UNC79: variants seen among roughly 807,000 people sequenced by gnomAD.
UNC79 encodes the protein unc-79 subunit of NALCN channel complex.
Under a neutral mutation model 283.1 loss-of-function variants are expected in UNC79, and 37 were observed. That is an observed-to-expected ratio of 0.13 (90% CI 0.10 to 0.17). The LOEUF is 0.17. Ranked by LOEUF, UNC79 falls within the 10% of genes least tolerant of loss-of-function variation. The probability of loss-of-function intolerance (pLI) is 1.00; values close to 1 mark genes in which losing one functional copy is unlikely to be tolerated. For synonymous variants in UNC79, 1,107 were observed against 1,200.2 expected (o/e 0.92, Z 1.61); for missense variants, 2,272 against 3,211.1 (o/e 0.71, Z 7.07).
At position 93,572,832 on chromosome 14, in the gene UNC79, T is replaced by C. The variant is rs1284183370; in HGVS notation, c.2070+16T>C. 1 of 1,611,148 alleles carries C rather than the reference T, an allele frequency of 6.2e-7. No homozygotes were observed. The highest frequency in any genetic ancestry group is 8.5e-7 in the Non-Finnish European group (1 of 1,178,982). On this transcript the variant is annotated intron_variant, in intron 16 of 48. Coordinates refer to ENST00000555664, the Ensembl canonical transcript of UNC79. ...GTGGCTTCATGTAAGTGAATAATAC[T>C]TTCGATCATTTTAGGAAATAGTTCT...
chr14:93,506,904 C>A (rs1567021316), intron 7 of UNC79, among the ~76,000 whole-genome samples: 1 of 152,114 alleles, frequency 6.6e-6, no homozygotes, highest in Non-Finnish European at 1.5e-5. Context: ...ATGCCTTTTC[C>A]AAACACCATC....
At chr14:93,685,398 G>C (rs2074159376) in intron 42 of UNC79, among the ~76,000 whole-genome samples, 1 of 152,080 alleles carries the variant, frequency 6.6e-6, no homozygotes, top group Non-Finnish European at 1.5e-5. Flanking sequence ...CCAAAAGCAG[G>C]AACACAATAA....
At chr14:93,395,629 G>A (rs2054979122) in intron 1 of UNC79, among the ~76,000 whole-genome samples, 1 of 152,170 alleles carries the variant, frequency 6.6e-6, no homozygotes, top group South Asian at 2.1e-4. Flanking sequence ...GGGACATGGA[G>A]CCAAACCATA....
intron 39 of UNC79, among the ~76,000 whole-genome samples, chr14:93,661,481 G>A (rs994608613): frequency 1.3e-5 from 2 of 152,132 alleles, no homozygotes; most frequent in African/African-American, 4.8e-5. Flanking sequence ...GAGAAGTATT[G>A]GAACTCATGG....
chr14:93,338,734 C>CT (rs2053637273), intron 1 of UNC79, among the ~76,000 whole-genome samples: 1 of 152,118 alleles, frequency 6.6e-6, no homozygotes. Flanking sequence ...TGGCAAAACT[C>CT]TGTCTCTATG....
chr14:93,454,882 A>G (rs2056753021), intron 1 of UNC79, among the ~76,000 whole-genome samples: 1 of 152,218 alleles, frequency 6.6e-6, no homozygotes, highest in South Asian at 2.1e-4. Context: ...AAGAAATGTA[A>G]TTGAATAATG....
chr14:93,373,561 C>G (rs1314443494), intron 1 of UNC79, among the ~76,000 whole-genome samples: 1 of 152,102 alleles, frequency 6.6e-6, no homozygotes, highest in African/African-American at 2.4e-5. Context: ...ACAAAAAGAA[C>G]TAGATAATCT....
intron 1 of UNC79, among the ~76,000 whole-genome samples, chr14:93,362,156 C>T (rs1448195854): frequency 6.6e-6 from 1 of 152,126 alleles, no homozygotes; most frequent in Non-Finnish European, 1.5e-5. Flanking sequence ...TGTCTTTTTT[C>T]ATCGTGTCTC....
Position 93,582,358 on chromosome 14 carries a change from G to C in UNC79, c.2803+14G>C. The stretch of plus-strand genomic sequence containing the variant: ...TGGAACATGCTGGTAGGTGTGCACT[G>C]ACTGCCGGGGAATGCGCCACGTGCA... On this transcript the variant is annotated intron_variant, in intron 20 of 48. Transcript: ENST00000555664. The C allele has an allele frequency of 1.9e-6, 3 of 1,610,932 alleles. No homozygotes were observed. Among genetic ancestry groups the C allele is most frequent in the African/African-American group, 1.3e-5 (1 of 74,924 alleles).
At chr14:93,628,980 C>T (rs1042589097) in intron 30 of UNC79, among the ~76,000 whole-genome samples, 6 of 152,134 alleles carry the variant, frequency 3.9e-5, no homozygotes, top group Admixed American at 2.6e-4. Context: ...GGGTGTATCA[C>T]CTGAGGTCAG....
intron 1 of UNC79, among the ~76,000 whole-genome samples, chr14:93,370,554 C>T (rs959706811): frequency 2.4e-4 from 37 of 152,298 alleles, no homozygotes; most frequent in African/African-American, 8.2e-4. Context: ...GGGCAGATCA[C>T]GAGGTCAGGA....
At chr14:93,570,835 A>G (rs948841708) in intron 14 of UNC79, among the ~76,000 whole-genome samples, 1 of 152,192 alleles carries the variant, frequency 6.6e-6, no homozygotes, top group Non-Finnish European at 1.5e-5. Flanking sequence ...GTTCCAACGT[A>G]CTATTCAAAA....
rs950007293 is a variant in UNC79, at chr14:93,414,087, C to A, written c.-350-53584C>A. ...TTGCCATTGCTTTTGGTGTTTTAGA[C>A]ACGAAGTCCTTGCCCATGCCTATGT... On this transcript the variant is annotated intron_variant, in intron 1 of 49. Coordinates refer to the UNC79 transcript ENST00000256339. Among the ~76,000 whole-genome samples the A allele has an allele frequency of 9.8e-4, 149 of 152,172 alleles. 1 individual carries two copies. The highest frequency in any genetic ancestry group is 3.4e-3 in the African/African-American group (140 of 41,522).
chr14:93,349,859 CAG>C (rs751499063), intron 1 of UNC79, among the ~76,000 whole-genome samples: 17 of 152,116 alleles, frequency 1.1e-4, no homozygotes, highest in East Asian at 1.9e-4. Context: ...AAATGATTAA[CAG>C]AAATAATTTT....
intron 5 of UNC79, among the ~76,000 whole-genome samples, chr14:93,487,977 T>C (rs1252663478): frequency 6.6e-6 from 1 of 152,192 alleles, no homozygotes; most frequent in Non-Finnish European, 1.5e-5. Context: ...TTTTAGACAT[T>C]GACTGGAAAT....
At chr14:93,450,360 T>G (rs1017079660) in intron 1 of UNC79, among the ~76,000 whole-genome samples, 1 of 152,126 alleles carries the variant, frequency 6.6e-6, no homozygotes, top group African/African-American at 2.4e-5. Context: ...GCATTCTGCA[T>G]TGGGTTAAAA....
At chr14:93,389,771 C>T (rs1188399447) in intron 1 of UNC79, among the ~76,000 whole-genome samples, 1 of 152,054 alleles carries the variant, frequency 6.6e-6, no homozygotes, top group Non-Finnish European at 1.5e-5. Context: ...CCTGCCTCAG[C>T]CTCCTGAGTA....
chr14:93,609,190 G>C (rs2066112434), intron 26 of UNC79, among the ~76,000 whole-genome samples: 1 of 151,658 alleles, frequency 6.6e-6, no homozygotes, highest in Non-Finnish European at 1.5e-5. Context: ...TTGGGGACCA[G>C]TTTATAGCAC....
At chr14:93,517,281 CTT>C (rs2060109940) in intron 7 of UNC79, among the ~76,000 whole-genome samples, 1 of 144,898 alleles carries the variant, frequency 6.9e-6, no homozygotes, top group African/African-American at 2.5e-5. Context: ...TTCTCTCTCT[CTT>C]ACCCTTCTTT....
Sources: allele counts gnomAD v4.1 joint callset (sites outside exome capture counted in the v4.1 genomes callset), GRCh38; gene constraint gnomAD v4.1.1; transcripts MANE v1.5; gene names NCBI Gene and HGNC (gene_info 2026-07-23, HGNC 2026-07-21).